INPP5K: variants seen among roughly 807,000 people sequenced by gnomAD.
INPP5K encodes the protein inositol polyphosphate 5-phosphatase K.
A neutral mutation model predicts 53.5 loss-of-function variants in INPP5K; 35 were observed. That is an observed-to-expected ratio of 0.65 (90% CI 0.50 to 0.87). INPP5K has a LOEUF of 0.87. INPP5K is among the 40% of genes least tolerant of loss of function. The probability of loss-of-function intolerance (pLI) is 0.00; values close to 1 mark genes in which losing one functional copy is unlikely to be tolerated. For missense variants in INPP5K, 550 were observed against 586.2 expected, an observed-to-expected ratio of 0.94 and a Z score of 0.64; for synonymous variants, 253 against 232.8, an observed-to-expected ratio of 1.09 and a Z score of -0.79.
rs771733563 is a variant in INPP5K, at chr17:1,508,265, G to A, written c.555-39C>T. The A allele has an allele frequency of 2.1e-5, 31 of 1,495,134 alleles. No homozygotes were observed. In the Admixed American group the frequency reaches 2.2e-4, roughly 10 times the overall value. 92.6% of individuals were successfully genotyped at this position (1,495,134 alleles called of 1,614,324 possible). On this transcript the variant is annotated intron_variant, in intron 5 of 11. Coordinates refer to ENST00000421807, the MANE Select transcript of INPP5K (RefSeq NM_016532.4). The stretch of plus-strand genomic sequence containing the variant: ...GGAGGGCAGCCTGAGGATTTGTGAT[G>A]AAGTCGGGGAAGGGAGATCACCAGG...
rs544965484 is a variant in INPP5K at position 1,515,151 on chromosome 17, C to T, written c.45-1172G>A. Among the ~76,000 whole-genome samples the T allele has an allele frequency of 7.9e-5, 12 of 152,232 alleles. No individual in the cohort carries two copies. In the East Asian group the frequency reaches 1.5e-3, roughly 20 times the overall value. ...TGAACTCCTGATCTCTCAGGTGATC[C>T]GCCCGCCTCAGCCTCCCAAAGTGCT... is the stretch of plus-strand genomic sequence containing the variant. On this transcript the variant is annotated intron_variant, in intron 1 of 11. Transcript: ENST00000421807.
chr17:1,499,934 T>G (rs1350113654), intron 7 of INPP5K, among the ~76,000 whole-genome samples: 3 of 152,260 alleles, frequency 2.0e-5, no homozygotes, highest in Non-Finnish European at 4.4e-5. Flanking sequence ...CTGTGTTGAA[T>G]CCTATCTACC....
At chr17:1,506,169 G>A (rs894869211) in intron 7 of INPP5K, among the ~76,000 whole-genome samples, 5 of 152,086 alleles carry the variant, frequency 3.3e-5, no homozygotes, top group Non-Finnish European at 7.3e-5. Flanking sequence ...GATTACAGGT[G>A]CGCGCTACCA....
intron 2 of INPP5K, 91 bp downstream of exon 2, chr17:1,513,781 A>T (rs1335196517): frequency 9.4e-7 from 1 of 1,062,124 alleles, no homozygotes; most frequent in Non-Finnish European, 1.4e-6. Flanking sequence ...CAGCCTTCAG[A>T]CTCCAGAGCG....
intron 3 of INPP5K, among the ~76,000 whole-genome samples, chr17:1,512,043 C>T (rs2075321909): frequency 6.6e-6 from 1 of 152,108 alleles, no homozygotes; most frequent in Admixed American, 6.5e-5. Flanking sequence ...AGGGGGTCAG[C>T]CCTTCTCAGT....
At chr17:1,507,956 T>C (rs2075202601) in intron 6 of INPP5K, among the ~76,000 whole-genome samples, 159 bp downstream of exon 6, 2 of 152,082 alleles carry the variant, frequency 1.3e-5, no homozygotes. Context: ...CAGGCGTGGC[T>C]GCCTCACCCC....
At position 1,496,304 on chromosome 17, in the gene INPP5K, G is replaced by A. The variant is rs951553447; in HGVS notation, c.1185+15C>T. On this transcript the variant is annotated intron_variant, in intron 10 of 11. Transcript: ENST00000421807. Reference sequence around the variant, plus strand: ...GGCCTGCCTGCTGGTGATGTACCTGGTGCTGGTGACGTACCTGGTTCAGGT... The same window carrying A: ...GGCCTGCCTGCTGGTGATGTACCTGATGCTGGTGACGTACCTGGTTCAGGT... 5.1e-6 allele frequency: 8 copies of A among 1,554,868 alleles called. No homozygotes were observed. The African/African-American group carries it at 9.5e-5, about 19-fold the overall frequency.
chr17:1,504,609 T>C (rs1207949068), intron 7 of INPP5K, among the ~76,000 whole-genome samples: 2 of 152,260 alleles, frequency 1.3e-5, no homozygotes, highest in Non-Finnish European at 2.9e-5. Flanking sequence ...CCTCGTGCGA[T>C]GAAGAAGCCT....
At chr17:1,509,389 C>T (rs2075252825) in intron 4 of INPP5K, 36 bp from the exon 5 acceptor site, 5 of 1,592,006 alleles carry the variant, frequency 3.1e-6, no homozygotes, top group East Asian at 4.5e-5. Context: ...TGGGAAGCTA[C>T]TCGGGTTGGA....
chr17:1,513,771 C>T, intron 2 of INPP5K, 101 bp downstream of exon 2: 4 of 1,014,004 alleles, frequency 3.9e-6, no homozygotes, highest in Non-Finnish European at 4.5e-6. Flanking sequence ...TGAAAGCTCC[C>T]AGCCTTCAGA....
chr17:1,516,375 G>A lies in INPP5K; in HGVS notation c.44+81C>T, dbSNP rs1053429397. 2.8e-5 allele frequency: 40 copies of A among 1,416,954 alleles called. No individual in the cohort carries two copies. In the South Asian group the frequency reaches 3.1e-4, roughly 11 times the overall value. The allele number at this position is 1,416,954 out of a possible 1,614,324, so 87.8% of individuals were successfully genotyped here. A position where few individuals can be genotyped will look rare whatever the true frequency, so the allele number is the denominator to read the frequency against. On this transcript the variant is annotated intron_variant, in intron 1 of 11. Transcript: ENST00000421807. ...CCAAAGGCAGTCATGGAGGTCTGGT[G>A]CCTTGTCCACCCCCAGCCCGCAGCC...
intron 7 of INPP5K, among the ~76,000 whole-genome samples, chr17:1,502,075 C>T (rs1199120381): frequency 6.6e-6 from 1 of 150,790 alleles, no homozygotes; most frequent in South Asian, 2.1e-4. Flanking sequence ...TAGGGCCAGG[C>T]ACGGTGGCTC....
At chr17:1,499,027 G>A (rs2074935684) in intron 7 of INPP5K, among the ~76,000 whole-genome samples, 1 of 152,192 alleles carries the variant, frequency 6.6e-6, no homozygotes, top group African/African-American at 2.4e-5. Context: ...CAGAGCATGT[G>A]CTCTTAACCA....
rs1402760010 is a variant in INPP5K, at chr17:1,495,835, C to G, written c.1335G>C (p.Gln445His). Residue 445 changes from glutamine (Q) to histidine (H), a missense_variant, in exon 12 of 12, where the codon CAG becomes CAC. Gln to His is a conservative substitution (Grantham distance 24, BLOSUM62 0). Coordinates refer to ENST00000421807, the MANE Select transcript of INPP5K (RefSeq NM_016532.4). ...CTCCCATCCTGGCTCAGATCTGTGG[C>G]TGTGCTTCACCCAGTGGGTCCTCCC... Reference protein sequence around the residue: ...SLREDPLGEAQPQI With the variant: ...SLREDPLGEAHPQI 4 of 1,613,114 alleles carry G rather than the reference C, an allele frequency of 2.5e-6. No individual in the cohort carries two copies. The Admixed American group carries it at 6.7e-5, about 27-fold the overall frequency.
chr17:1,516,248 G>C, intron 1 of INPP5K: 2 of 855,126 alleles, frequency 2.3e-6, no homozygotes, highest in East Asian at 3.3e-5. Flanking sequence ...CTGCGCCCCA[G>C]TGGGAACGAG....
intron 5 of INPP5K, 154 bp downstream of exon 5, chr17:1,509,024 G>A (rs1451039866): frequency 1.5e-6 from 1 of 647,300 alleles, no homozygotes; most frequent in African/African-American, 2.4e-5. Flanking sequence ...TGGGGCAGAG[G>A]GCGGGGAACA....
At chr17:1,499,368 C>T (rs1256943471) in intron 7 of INPP5K, among the ~76,000 whole-genome samples, 22 of 152,134 alleles carry the variant, frequency 1.4e-4, no homozygotes, top group Admixed American at 1.4e-3. Context: ...TGGCAGGTGC[C>T]TGTAATCCCA....
chr17:1,505,220 G>T (rs1032468744), intron 7 of INPP5K, among the ~76,000 whole-genome samples: 3 of 152,130 alleles, frequency 2.0e-5, no homozygotes, highest in Non-Finnish European at 4.4e-5. Flanking sequence ...TTAACTCCTG[G>T]GCTCAAGTGA....
chr17:1,497,829 G>C (rs1359336790), intron 8 of INPP5K, 107 bp downstream of exon 8: 3 of 1,001,266 alleles, frequency 3.0e-6, no homozygotes, highest in Non-Finnish European at 4.5e-6. Flanking sequence ...GCCTCCACAG[G>C]TCTCCCCTGG....
Sources: gnomAD v4.1 joint callset for allele counts (sites outside exome capture counted in the v4.1 genomes callset) on GRCh38, gnomAD v4.1.1 for gene constraint, MANE v1.5 for transcripts, NCBI Gene and HGNC (gene_info 2026-07-23, HGNC 2026-07-21) for gene names.